NEK10: variants seen among roughly 807,000 people sequenced by gnomAD.
NEK10 encodes the protein NIMA related kinase 10.
A neutral mutation model predicts 159.8 loss-of-function variants in NEK10; 122 were observed. The ratio of observed to expected loss-of-function variants is 0.76; its 90% confidence interval spans 0.66 to 0.89. The LOEUF (loss-of-function observed/expected upper bound fraction) is 0.89, where lower values mean the gene tolerates loss of function less well. Ranked by LOEUF, NEK10 falls within the 40% of genes least tolerant of loss-of-function variation. The pLI is 0.00. For missense variants in NEK10, 1,342 were observed against 1,323.1 expected (o/e 1.01, Z -0.22); for synonymous variants, 466 against 457.1 (o/e 1.02, Z -0.25).
intron 29 of NEK10, among the ~76,000 whole-genome samples, chr3:27,165,267 G>A (rs974108726): frequency 7.9e-5 from 12 of 152,188 alleles, no homozygotes; most frequent in African/African-American, 2.7e-4. Context: ...ATAGTCATCT[G>A]AAATTTCAAA....
chr3:27,256,754 G>T (rs969433195), intron 22 of NEK10, among the ~76,000 whole-genome samples: 2 of 152,080 alleles, frequency 1.3e-5, no homozygotes, highest in African/African-American at 4.8e-5. Context: ...GCATCAACGT[G>T]TACTAATCAC....
intron 6 of NEK10, among the ~76,000 whole-genome samples, chr3:27,319,207 C>T (rs1226126461): frequency 1.3e-5 from 2 of 152,208 alleles, no homozygotes; most frequent in Non-Finnish European, 2.9e-5. Flanking sequence ...TATGGCTTCA[C>T]TATAATGAAT....
intron 22 of NEK10, among the ~76,000 whole-genome samples, chr3:27,267,349 C>T (rs73157480): frequency 0.02 from 3,078 of 152,144 alleles, 110 homozygotes; most frequent in African/African-American, 0.071. Flanking sequence ...TATATGTATA[C>T]CTCATTTTAT....
intron 33 of NEK10, among the ~76,000 whole-genome samples, chr3:27,117,623 C>T (rs1694254947): frequency 1.3e-5 from 2 of 152,166 alleles, no homozygotes; most frequent in Admixed American, 1.3e-4. Context: ...GCATAAATGT[C>T]TTCATTTGAG....
chr3:27,314,147 C>A, intron 7 of NEK10, 150 bp downstream of exon 7: 1 of 627,448 alleles, frequency 1.6e-6, no homozygotes, highest in Non-Finnish European at 2.9e-6. Context: ...GAGTATCATG[C>A]CTCACACTCA....
intron 19 of NEK10, among the ~76,000 whole-genome samples, chr3:27,288,520 T>A (rs748642269): frequency 5.9e-5 from 9 of 152,204 alleles, no homozygotes; most frequent in Non-Finnish European, 1.3e-4. Flanking sequence ...GACCATTGGC[T>A]CTGAGTCCCC....
At chr3:27,333,134 C>T (rs1318187967) in intron 5 of NEK10, among the ~76,000 whole-genome samples, 1 of 152,140 alleles carries the variant, frequency 6.6e-6, no homozygotes, top group Non-Finnish European at 1.5e-5. Flanking sequence ...AGGAAGCCTG[C>T]TTAGCCAAGA....
At chr3:27,186,277 T>G (rs1399663423) in intron 26 of NEK10, among the ~76,000 whole-genome samples, 1 of 152,214 alleles carries the variant, frequency 6.6e-6, no homozygotes, top group Non-Finnish European at 1.5e-5. Context: ...CCAGAGCTCT[T>G]TTCTTCTACT....
chr3:27,229,334 A>C (rs1191253177), intron 23 of NEK10, among the ~76,000 whole-genome samples: 2 of 152,228 alleles, frequency 1.3e-5, no homozygotes, highest in Non-Finnish European at 2.9e-5. Context: ...CTGATCCTTA[A>C]AAGGAAAAAT....
intron 23 of NEK10, among the ~76,000 whole-genome samples, chr3:27,241,477 A>G (rs908190601): frequency 6.6e-6 from 1 of 152,186 alleles, no homozygotes; most frequent in African/African-American, 2.4e-5. Context: ...CCCCAGAAAC[A>G]GACCTTACCC....
chr3:27,282,542 A>ATATATATATATATATACATAACTGTGT, intron 22 of NEK10, among the ~76,000 whole-genome samples: 1 of 96,022 alleles, frequency 1.0e-5, no homozygotes, highest in African/African-American at 4.3e-5. Context: ...AATGTGTTAT[A>ATATATATATATATATACATAACTGTGT]TATATATATA....
rs906124119 is a variant in NEK10 at position 27,106,496 on chromosome 3, G to A, written c.*4776C>T. Among the ~76,000 whole-genome samples, 1 of 152,116 alleles carries A rather than the reference G, an allele frequency of 6.6e-6. No individual in the cohort carries two copies. The highest frequency in any genetic ancestry group is 1.5e-5 in the Non-Finnish European group (1 of 68,012). On this transcript the variant is annotated 3_prime_UTR_variant, in exon 36 of 36. Coordinates refer to ENST00000691995, the MANE Select transcript of NEK10 (RefSeq NM_001394966.1). ...AACACACAGAATATGGAGGGCAACAGTTTTAGCTAAAATTTAATAGCCATT... is the reference window on the plus strand; with the variant it reads ...AACACACAGAATATGGAGGGCAACAATTTTAGCTAAAATTTAATAGCCATT...
intron 25 of NEK10, among the ~76,000 whole-genome samples, chr3:27,194,941 G>T (rs192520628): frequency 2.0e-4 from 31 of 152,084 alleles, no homozygotes; most frequent in Non-Finnish European, 3.7e-4. Flanking sequence ...AACTCCTCAG[G>T]GTTGCTAAGT....
intron 3 of NEK10, among the ~76,000 whole-genome samples, chr3:27,348,500 T>G (rs1056448798): frequency 6.6e-6 from 1 of 152,140 alleles, no homozygotes; most frequent in Non-Finnish European, 1.5e-5. Flanking sequence ...GAAATGTACA[T>G]TCAGAATCCG....
In NEK10 at chr3:27,201,579, A is replaced by G; in HGVS notation, c.2222T>C (p.Ile741Thr). 1 of 1,613,340 alleles carries G rather than the reference A, an allele frequency of 6.2e-7. No homozygotes were observed. The highest frequency in any genetic ancestry group is 8.5e-7 in the Non-Finnish European group (1 of 1,179,382). Residue 741 changes from isoleucine to threonine, a missense_variant and splice_region_variant, in exon 25 of 36, where the codon ATA (isoleucine) becomes ACA (threonine). Transcript: ENST00000691995. Reference sequence around the variant, plus strand: ...GACTGGTTCATATACCGCCTCCACTATCTGCAAAACAAACAGACTAGAGTG... The same window carrying G: ...GACTGGTTCATATACCGCCTCCACTGTCTGCAAAACAAACAGACTAGAGTG... Reference protein sequence around the residue: ...STNMLSLATKIVEAVYEPVPE... With the variant: ...STNMLSLATKTVEAVYEPVPE...
intron 22 of NEK10, among the ~76,000 whole-genome samples, chr3:27,282,408 G>A (rs2149447944): frequency 1.3e-5 from 2 of 151,608 alleles, no homozygotes; most frequent in Middle Eastern, 6.8e-3. Context: ...TGTAATGAAA[G>A]GAAATGATTA....
chr3:27,149,846 C>T (rs1468359532), intron 30 of NEK10, among the ~76,000 whole-genome samples: 1 of 152,170 alleles, frequency 6.6e-6, no homozygotes, highest in Non-Finnish European at 1.5e-5. Flanking sequence ...AGCCAAGATA[C>T]CAGAAAGCTA....
rs1488230115 is a variant in NEK10 at position 27,107,669 on chromosome 3, T to C, written c.*3603A>G. Among the ~76,000 whole-genome samples, 3 of 152,178 alleles carry C rather than the reference T, an allele frequency of 2.0e-5. No homozygotes were observed. Among genetic ancestry groups the C allele is most frequent in the South Asian group, 2.1e-4 (1 of 4,830 alleles). The stretch of plus-strand genomic sequence containing the variant: ...TCGGAAGCATTAAGCTTCCCTTACG[T>C]TGGAGCCCTTCATAGCTGTAACTCC... On this transcript the variant is annotated 3_prime_UTR_variant, in exon 36 of 36. Transcript: ENST00000691995.
At chr3:27,179,300 G>A (rs1175170891) in intron 26 of NEK10, among the ~76,000 whole-genome samples, 1 of 151,950 alleles carries the variant, frequency 6.6e-6, no homozygotes, top group Non-Finnish European at 1.5e-5. Flanking sequence ...TTTACACAAA[G>A]CTAAAAATTT....
Sources: gnomAD v4.1 joint callset for allele counts (sites outside exome capture counted in the v4.1 genomes callset) on GRCh38, gnomAD v4.1.1 for gene constraint, MANE v1.5 for transcripts, NCBI Gene and HGNC (gene_info 2026-07-23, HGNC 2026-07-21) for gene names.